DOP1A: variants seen among roughly 807,000 people sequenced by gnomAD.
DOP1A encodes protein DOP1A.
In DOP1A, 90 loss-of-function variants were observed where a neutral mutation model predicts 267.6. The observed-to-expected ratio is 0.34, with a 90% CI of 0.28 to 0.40. The LOEUF (loss-of-function observed/expected upper bound fraction) is 0.40. Among genes scored for constraint, DOP1A ranks in the 10% least tolerant of loss-of-function variants. DOP1A has a pLI of 1.00. For missense variants in DOP1A, 2,437 were observed against 2,900.4 expected (o/e 0.84, Z 3.67); for synonymous variants, 932 against 999.1 (o/e 0.93, Z 1.27).
intron 38 of DOP1A, chr6:83,165,022 A>G: frequency 3.6e-6 from 1 of 281,648 alleles, no homozygotes; most frequent in Non-Finnish European, 6.6e-6. Flanking sequence ...ATAGGAATAG[A>G]AACAAAAGGT....
chr6:83,138,759 G>C lies in DOP1A; in HGVS notation c.4717G>C (p.Asp1573His). The change falls in exon 21 of 39, where the codon GAC becomes CAC. Residue 1573 changes from aspartate to histidine, a missense_variant. By Grantham distance (81) the Asp-to-His change is moderately conservative. Around this residue, in one of 9 missense-constraint regions of DOP1A, gnomAD observed 878 missense variants for 992.9 expected, o/e 0.88. Transcript: ENST00000349129. ...SLINFSEDEF[D>H]NGSTLQSQLL... is the part of the protein sequence containing the mutation. ...TATTAATTTCTCAGAGGATGAATTTGACAATGGCAGCACGTTGCAGTCACA... is the reference window on the plus strand; with the variant it reads ...TATTAATTTCTCAGAGGATGAATTTCACAATGGCAGCACGTTGCAGTCACA... 1 of 1,614,044 alleles carries C rather than the reference G, an allele frequency of 6.2e-7. No individual in the cohort carries two copies. Among genetic ancestry groups the C allele is most frequent in the African/African-American group, 1.3e-5 (1 of 75,026 alleles).
At chr6:83,147,187 C>G in intron 25 of DOP1A, 49 bp from the exon 26 acceptor site, 1 of 976,018 alleles carries the variant, frequency 1.0e-6, no homozygotes, top group Non-Finnish European at 1.5e-6. Context: ...AATGAAAAAG[C>G]AAAGGCAGTA....
chr6:83,125,201 A>G lies in DOP1A; in HGVS notation c.1485+6A>G. 1 of 1,567,054 alleles carries G rather than the reference A, an allele frequency of 6.4e-7. No individual in the cohort carries two copies. The highest frequency in any genetic ancestry group is 1.4e-5 in the African/African-American group (1 of 72,320). On this transcript the variant is annotated splice_donor_region_variant and intron_variant, in intron 14 of 38. Coordinates refer to ENST00000349129, the MANE Select transcript of DOP1A (RefSeq NM_015018.4). Reference sequence around the variant, plus strand: ...GTATGAGGGTGCTGTGTCAGGTATGACATTCAGCCTGTTTTGTTTTTAAAT... The same window carrying G: ...GTATGAGGGTGCTGTGTCAGGTATGGCATTCAGCCTGTTTTGTTTTTAAAT...
chr6:83,166,302 A>G (rs1398175418), intron 38 of DOP1A: 7 of 637,572 alleles, frequency 1.1e-5, no homozygotes, highest in Admixed American at 9.5e-5. Flanking sequence ...GATGTTCTCA[A>G]TTGGTCATTA....
At chr6:83,143,196 T>C (rs892881699) in intron 24 of DOP1A, among the ~76,000 whole-genome samples, 2 of 152,110 alleles carry the variant, frequency 1.3e-5, no homozygotes, top group African/African-American at 4.8e-5. Context: ...GGCGGGAGGA[T>C]TGCTTGAGGC....
chr6:83,137,177 C>A lies in DOP1A; in HGVS notation c.3135C>A (p.Ser1045Arg). ...ACTGTTTTTCTCATATATCAGTGAG[C>A]CAAGTACAACTCATCACATCAAAAG... ...FMQNFACSNV[S>R]QVQLITSKGN... The change falls in exon 21 of 39, where the codon AGC (serine) becomes AGA (arginine). Residue 1045 changes from serine to arginine, a missense_variant. Ser to Arg is a moderately radical substitution (Grantham distance 110). Around this residue, in one of 9 missense-constraint regions of DOP1A, gnomAD observed 878 missense variants for 992.9 expected, o/e 0.88. Transcript: ENST00000349129. 1 of 1,536,640 alleles carries A rather than the reference C, an allele frequency of 6.5e-7. No homozygotes were observed. Among genetic ancestry groups the A allele is most frequent in the South Asian group, 1.3e-5 (1 of 77,710 alleles).
At chr6:83,113,874 T>C (rs1214180782) in intron 7 of DOP1A, among the ~76,000 whole-genome samples, 1 of 152,196 alleles carries the variant, frequency 6.6e-6, no homozygotes, top group Non-Finnish European at 1.5e-5. Context: ...TAAGTGCAAC[T>C]AAGTTGACAA....
At position 83,109,196 on chromosome 6, in the gene DOP1A, C is replaced by T. The variant is rs187152327; in HGVS notation, c.491+116C>T. 124 of 848,700 alleles carry T rather than the reference C, an allele frequency of 1.5e-4. 1 individual carries two copies. In the Admixed American group the frequency reaches 3.1e-3, roughly 21 times the overall value. 52.6% of individuals were successfully genotyped at this position (848,700 alleles called of 1,614,324 possible). ...AATTATTCTAGACAGTTCAGTATAT[C>T]ACATGAATATTTCTATAGCAATGAA... On this transcript the variant is annotated intron_variant, in intron 5 of 38. Coordinates refer to ENST00000349129, the MANE Select transcript of DOP1A (RefSeq NM_015018.4).
intron 1 of DOP1A, among the ~76,000 whole-genome samples, chr6:83,094,552 A>G (rs1771091876): frequency 6.6e-6 from 1 of 152,182 alleles, no homozygotes; most frequent in African/African-American, 2.4e-5. Flanking sequence ...TCTACATAAC[A>G]CGCTTATTGT....
At chr6:83,081,900 A>G (rs1582862385) in intron 1 of DOP1A, among the ~76,000 whole-genome samples, 1 of 152,208 alleles carries the variant, frequency 6.6e-6, no homozygotes, top group African/African-American at 2.4e-5. Context: ...AAAGGAAGAC[A>G]TAAATGGCCA....
Position 83,157,202 on chromosome 6 carries a change from C to T in DOP1A, c.6625C>T (p.Arg2209Cys). The T allele has an allele frequency of 1.2e-6, 2 of 1,613,276 alleles. No homozygotes were observed. Among genetic ancestry groups the T allele is most frequent in the Non-Finnish European group, 1.7e-6 (2 of 1,179,860 alleles). Residue 2209 changes from arginine to cysteine, a missense_variant, in exon 35 of 39, where the codon CGT becomes TGT. Around this residue, in one of 9 missense-constraint regions of DOP1A, gnomAD observed 75 missense variants for 149.6 expected, o/e 0.50. Coordinates refer to ENST00000349129, the MANE Select transcript of DOP1A (RefSeq NM_015018.4). ...DIQERLVESL[R>C]LPQVPTLHSQ... ...TTCAGAGAGATTGGTTGAGAGTCTC[C>T]GTTTGCCACAGGTGCCAACTCTCCA...
intron 20 of DOP1A, 46 bp from the exon 21 acceptor site, chr6:83,137,127 A>G: frequency 6.9e-7 from 1 of 1,458,976 alleles, no homozygotes; most frequent in East Asian, 2.3e-5. Flanking sequence ...AATTATTTTA[A>G]TGCATTTTGT....
intron 6 of DOP1A, among the ~76,000 whole-genome samples, chr6:83,112,585 C>T (rs1415455169): frequency 1.3e-5 from 2 of 152,156 alleles, no homozygotes; most frequent in Non-Finnish European, 2.9e-5. Flanking sequence ...TTGCCTCAGC[C>T]ACCTGAGTGG....
intron 1 of DOP1A, among the ~76,000 whole-genome samples, chr6:83,084,917 C>T (rs1221973537): frequency 6.6e-6 from 1 of 152,060 alleles, no homozygotes; most frequent in African/African-American, 2.4e-5. Flanking sequence ...AATCTCCTTT[C>T]ACAGGGCTGG....
rs568944489 is a variant in DOP1A, at chr6:83,112,907, T to C, written c.682-416T>C. Among the ~76,000 whole-genome samples the C allele has an allele frequency of 3.3e-5, 5 of 152,324 alleles. No individual in the cohort carries two copies. The East Asian group carries it at 9.6e-4, about 29-fold the overall frequency. On this transcript the variant is annotated intron_variant, in intron 6 of 38. Transcript: ENST00000349129. Reference sequence around the variant, plus strand: ...TTTAGAAATGTATAAGTGCACATGATTAGAAGCTTGGTTAAATAAATTAGA... The same window carrying C: ...TTTAGAAATGTATAAGTGCACATGACTAGAAGCTTGGTTAAATAAATTAGA...
At position 83,122,171 on chromosome 6, in the gene DOP1A, G is replaced by T. The variant is rs1172141112; in HGVS notation, c.1220+121G>T. The T allele has an allele frequency of 2.7e-6, 3 of 1,093,314 alleles. No homozygotes were observed. The African/African-American group carries it at 4.8e-5, about 17-fold the overall frequency. The allele number at this position is 1,093,314 out of a possible 1,614,324, so 67.7% of individuals were successfully genotyped here. On this transcript the variant is annotated intron_variant, in intron 11 of 38. Coordinates refer to ENST00000349129, the MANE Select transcript of DOP1A (RefSeq NM_015018.4). Reference sequence around the variant, plus strand: ...AGTTTGTGTTCTAATAAGTAAAGCTGATTTAATACTAGTAAAGCTGATTTA... The same window carrying T: ...AGTTTGTGTTCTAATAAGTAAAGCTTATTTAATACTAGTAAAGCTGATTTA...
rs1192363949 is a variant in DOP1A at position 83,100,718 on chromosome 6, A to C, written c.152A>C (p.Asn51Thr). Residue 51 changes from asparagine (N) to threonine (T), a missense_variant, in exon 4 of 39, where the codon AAT becomes ACT. This residue lies in a region of DOP1A where 251 missense variants were observed against 359.1 expected (regional missense o/e 0.70). Transcript: ENST00000349129. ...LGKLNKVLQNNAKYQVVPKKL... is the reference protein window; with the variant it reads ...LGKLNKVLQNTAKYQVVPKKL... ...GCTTTCTTCAAGGTTTTACAAAATAATGCAAAGTACCAAGTAGTACCCAAA... is the reference window on the plus strand; with the variant it reads ...GCTTTCTTCAAGGTTTTACAAAATACTGCAAAGTACCAAGTAGTACCCAAA... 1 of 1,475,932 alleles carries C rather than the reference A, an allele frequency of 6.8e-7. No individual in the cohort carries two copies. The highest frequency in any genetic ancestry group is 1.5e-5 in the South Asian group (1 of 65,196). 91.4% of individuals were successfully genotyped at this position (1,475,932 alleles called of 1,614,324 possible). A position where few individuals can be genotyped will look rare whatever the true frequency, so the allele number is the denominator to read the frequency against.
rs771220772 is a variant in DOP1A at position 83,159,868 on chromosome 6, C to T, written c.6870C>T (p.Asn2290=). The T allele has an allele frequency of 5.6e-6, 9 of 1,614,084 alleles. No individual in the cohort carries two copies. The Admixed American group carries it at 1.0e-4, about 18-fold the overall frequency. ...TGGNGFSTSY[N]SQRWLNLYLS... is the part of the protein sequence containing the mutation. ...GTAATGGCTTCTCTACTTCATATAA[C>T]AGCCAGCGGTGGTTAAACCTCTATC... The change falls in exon 37 of 39, where the codon AAC becomes AAT. Residue 2290 remains asparagine (N), a synonymous_variant. Transcript: ENST00000349129.
At chr6:83,158,265 T>A (rs1783312047) in intron 35 of DOP1A, among the ~76,000 whole-genome samples, 1 of 152,108 alleles carries the variant, frequency 6.6e-6, no homozygotes, top group Non-Finnish European at 1.5e-5. Context: ...CCTCCCAAAG[T>A]GCTGGGATTA....
Sources: allele counts gnomAD v4.1 joint callset (sites outside exome capture counted in the v4.1 genomes callset), GRCh38; gene constraint gnomAD v4.1.1; regional missense constraint gnomAD v4.1.1; transcripts MANE v1.5; gene names NCBI Gene and HGNC (gene_info 2026-07-23, HGNC 2026-07-21).